Variants in PSEN1 observed in about 807,000 individuals in gnomAD.
The protein encoded by PSEN1 is presenilin 1.
In PSEN1, 15 loss-of-function variants were observed where a neutral mutation model predicts 53.5. The ratio of observed to expected loss-of-function variants is 0.28; its 90% CI spans 0.19 to 0.43. PSEN1 has a LOEUF of 0.43. PSEN1 is among the 20% of genes least tolerant of loss of function. The pLI is 1.00. For synonymous variants in PSEN1, 208 were observed against 209.8 expected (o/e 0.99, Z 0.08); for missense variants, 387 against 571.2 (o/e 0.68, Z 3.29).
At chr14:73,163,666 A>G (rs763505170) in intron 3 of PSEN1, among the ~76,000 whole-genome samples, 1 of 152,198 alleles carries the variant, frequency 6.6e-6, no homozygotes, top group Non-Finnish European at 1.5e-5. Context: ...ATAGTCAGGA[A>G]ATTCTCTCTC....
At chr14:73,136,660 T>A (rs1325781415) in intron 1 of PSEN1, 77 bp downstream of exon 1, 1 of 149,106 alleles carries the variant, frequency 6.7e-6, no homozygotes, top group East Asian at 2.1e-4. Flanking sequence ...CGGCCCTTTG[T>A]GGCCGCCCGG....
chr14:73,196,219 C>T (rs1898931598), intron 7 of PSEN1, among the ~76,000 whole-genome samples: 1 of 151,996 alleles, frequency 6.6e-6, no homozygotes, highest in African/African-American at 2.4e-5. Flanking sequence ...TTTAGCAATT[C>T]TTTAAGGGAG....
chr14:73,146,182 ATC>A (rs1220642062), intron 1 of PSEN1: 2 of 140,536 alleles, frequency 1.4e-5, no homozygotes, highest in African/African-American at 5.1e-5. Context: ...GTTTTAAAAA[ATC>A]TTTTTTTTTT....
intron 3 of PSEN1, among the ~76,000 whole-genome samples, chr14:73,150,221 G>A (rs1387433822): frequency 6.6e-6 from 1 of 151,726 alleles, no homozygotes; most frequent in Non-Finnish European, 1.5e-5. Flanking sequence ...ATTGCTTATT[G>A]ATCCTACACT....
At chr14:73,199,236 TGAA>T (rs1172061728) in intron 8 of PSEN1, among the ~76,000 whole-genome samples, 1 of 152,178 alleles carries the variant, frequency 6.6e-6, no homozygotes, top group Non-Finnish European at 1.5e-5. Context: ...GATAGAGACT[TGAA>T]GAACATTAGC....
intron 8 of PSEN1, 100 bp from the exon 9 acceptor site, chr14:73,206,286 T>G: frequency 1.2e-6 from 1 of 830,384 alleles, no homozygotes; most frequent in Non-Finnish European, 2.1e-6. Flanking sequence ...AAGGCAGCAT[T>G]AGGAAGACTG....
rs201383855 is a variant in PSEN1 at position 73,220,365 on chromosome 14, C to T, written c.*1076C>T. Reference sequence around the variant, plus strand: ...AGCAAATGAGATGTATGCCCAAAGACGGTAGAATTAAAGAAGAGTAAAATG... The same window carrying T: ...AGCAAATGAGATGTATGCCCAAAGATGGTAGAATTAAAGAAGAGTAAAATG... On this transcript the variant is annotated 3_prime_UTR_variant, in exon 12 of 12. Coordinates refer to ENST00000324501, the MANE Select transcript of PSEN1 (RefSeq NM_000021.4). 2.0e-5 allele frequency: 3 copies of T among 152,604 alleles called. No individual in the cohort carries two copies. Among genetic ancestry groups the T allele is most frequent in the East Asian group, 1.9e-4 (1 of 5,204 alleles). 9.5% of individuals were successfully genotyped at this position (152,604 alleles called of 1,614,324 possible). A position where few individuals can be genotyped will look rare whatever the true frequency, so the allele number is the denominator to read the frequency against.
intron 5 of PSEN1, among the ~76,000 whole-genome samples, chr14:73,180,944 C>T (rs1376985863): frequency 1.3e-5 from 2 of 152,076 alleles, no homozygotes; most frequent in East Asian, 3.8e-4. Flanking sequence ...AGTTTGTACA[C>T]TTTGATTTAG....
chr14:73,200,227 T>G (rs1899122148), intron 8 of PSEN1, among the ~76,000 whole-genome samples: 1 of 152,232 alleles, frequency 6.6e-6, no homozygotes, highest in Non-Finnish European at 1.5e-5. Context: ...CTGAATTTAT[T>G]TTGTAACTGG....
chr14:73,146,977 C>G (rs935663453), intron 1 of PSEN1, among the ~76,000 whole-genome samples: 1 of 152,036 alleles, frequency 6.6e-6, no homozygotes, highest in Non-Finnish European at 1.5e-5. Flanking sequence ...ACACAGTCAT[C>G]CCTGTAAATA....
intron 3 of PSEN1, among the ~76,000 whole-genome samples, chr14:73,165,137 A>T (rs1566626412): frequency 6.6e-6 from 1 of 151,650 alleles, no homozygotes; most frequent in Non-Finnish European, 1.5e-5. Context: ...TGTATTTTTA[A>T]TAGAGACAGG....
At chr14:73,158,847 G>C (rs1897445058) in intron 3 of PSEN1, among the ~76,000 whole-genome samples, 1 of 152,198 alleles carries the variant, frequency 6.6e-6, no homozygotes, top group Non-Finnish European at 1.5e-5. Context: ...ATGAGTTCCA[G>C]TTCCTCCACA....
chr14:73,204,419 T>C (rs1328243502), intron 8 of PSEN1, among the ~76,000 whole-genome samples: 1 of 151,514 alleles, frequency 6.6e-6, no homozygotes, highest in Non-Finnish European at 1.5e-5. Context: ...ATTTAACAAA[T>C]ATACTATTTA....
At chr14:73,201,655 T>C (rs1248260105) in intron 8 of PSEN1, among the ~76,000 whole-genome samples, 2 of 152,196 alleles carry the variant, frequency 1.3e-5, no homozygotes, top group Non-Finnish European at 2.9e-5. Context: ...ACATCAAAGA[T>C]TCCTGTCTCA....
chr14:73,183,232 CT>C (rs1300948348), intron 5 of PSEN1, among the ~76,000 whole-genome samples: 14 of 152,300 alleles, frequency 9.2e-5, no homozygotes, highest in Admixed American at 2.0e-4. Flanking sequence ...ATTCTCCTGC[CT>C]CAGCCTCCCA....
chr14:73,178,553 T>G (rs1898113175), intron 5 of PSEN1, among the ~76,000 whole-genome samples: 1 of 152,180 alleles, frequency 6.6e-6, no homozygotes, highest in Non-Finnish European at 1.5e-5. Context: ...GAGGCTCTGT[T>G]TATTTTCCAA....
chr14:73,161,060 C>T (rs773627483), intron 3 of PSEN1, among the ~76,000 whole-genome samples: 5 of 151,168 alleles, frequency 3.3e-5, no homozygotes, highest in Admixed American at 2.6e-4. Flanking sequence ...CTGCAACTTC[C>T]GCCTCCCAGG....
chr14:73,213,734 A>G (rs1899796176), intron 10 of PSEN1, among the ~76,000 whole-genome samples: 1 of 152,242 alleles, frequency 6.6e-6, no homozygotes, highest in African/African-American at 2.4e-5. Flanking sequence ...TGTAAAAATG[A>G]TCTGTAAACA....
At chr14:73,155,341 C>A (rs1390807525) in intron 3 of PSEN1, among the ~76,000 whole-genome samples, 1 of 152,094 alleles carries the variant, frequency 6.6e-6, no homozygotes, top group Non-Finnish European at 1.5e-5. Flanking sequence ...AAGTTTATAG[C>A]AATTAACTTA....
Sources: gnomAD v4.1 joint callset for allele counts (sites outside exome capture counted in the v4.1 genomes callset) on GRCh38, gnomAD v4.1.1 for gene constraint, MANE v1.5 for transcripts, NCBI Gene and HGNC (gene_info 2026-07-23, HGNC 2026-07-21) for gene names.